EXO1: variants seen among roughly 807,000 people sequenced by gnomAD.
The protein encoded by EXO1 is exonuclease 1.
In EXO1, 69 loss-of-function variants were observed where a neutral mutation model predicts 84.5. The observed-to-expected ratio is 0.82, with a 90% CI of 0.67 to 1.00. EXO1 has a LOEUF of 1.00. Among genes scored for constraint, EXO1 ranks in the 50% least tolerant of loss-of-function variants. EXO1 has a pLI of 0.00. For missense variants in EXO1, 1,045 were observed against 1,000.7 expected, an observed-to-expected ratio of 1.04 and a Z score of -0.60; for synonymous variants, 373 against 366.1, an observed-to-expected ratio of 1.02 and a Z score of -0.21.
Position 241,867,017 on chromosome 1 carries a change from T to G in EXO1, c.1229T>G (p.Leu410Arg), listed in dbSNP as rs571928768. ...GTGATTAGTACTAAAGGGTTAAATC[T>G]CCCAAGGAAATCATCCATTGTGAAA... ...ERVISTKGLN[L>R]PRKSSIVKRP... Residue 410 changes from leucine (L) to arginine (R), a missense_variant, in exon 11 of 16, where the codon CTC (leucine) becomes CGC (arginine). Physicochemically the swap from Leu to Arg is moderately radical, Grantham distance 102 (BLOSUM62 -2). Transcript: ENST00000366548. The G allele has an allele frequency of 2.4e-5, 39 of 1,613,862 alleles. No homozygotes were observed. Among genetic ancestry groups the G allele is most frequent in the Non-Finnish European group, 3.1e-5 (37 of 1,179,886 alleles).
intron 10 of EXO1, among the ~76,000 whole-genome samples, chr1:241,866,117 T>C (rs570615256): frequency 6.6e-6 from 1 of 152,322 alleles, no homozygotes; most frequent in African/African-American, 2.4e-5. Context: ...GTGAATAACT[T>C]ATATTAGCAT....
chr1:241,856,091 C>A (rs1052437082), intron 6 of EXO1, among the ~76,000 whole-genome samples: 1 of 152,224 alleles, frequency 6.6e-6, no homozygotes, highest in African/African-American at 2.4e-5. Context: ...GAGGAGGCGC[C>A]GAGAGCGAGG....
chr1:241,889,320 G>A, intron 15 of EXO1, 145 bp from the exon 16 acceptor site: 2 of 718,068 alleles, frequency 2.8e-6, no homozygotes, highest in Non-Finnish European at 4.8e-6. Context: ...AGGAGAACCT[G>A]ATTGTGTTAT....
chr1:241,869,877 G>C (rs920781588), intron 11 of EXO1, among the ~76,000 whole-genome samples: 1 of 151,066 alleles, frequency 6.6e-6, no homozygotes, highest in Admixed American at 6.6e-5. Context: ...GCAGTGGCGT[G>C]TTCTTGGCTC....
intron 13 of EXO1, among the ~76,000 whole-genome samples, chr1:241,880,004 CAAA>C (rs576461090): frequency 1.2e-5 from 1 of 83,912 alleles, no homozygotes; most frequent in Non-Finnish European, 2.5e-5. Context: ...AAGACTGTCT[CAAA>C]AAAAAAAAAA....
In EXO1 at chr1:241,872,284, G is replaced by A. The variant is rs1260972909; in HGVS notation, c.1514+6G>A. On this transcript the variant is annotated splice_donor_region_variant and intron_variant, in intron 12 of 15. Transcript: ENST00000366548. The stretch of plus-strand genomic sequence containing the variant: ...GTTCCAGGGACCAGAAGCAGGTATA[G>A]TTATGTCTCCAGAATGTTGATTGTC... 1 of 1,613,542 alleles carries A rather than the reference G, an allele frequency of 6.2e-7. No homozygotes were observed. The highest frequency in any genetic ancestry group is 8.5e-7 in the Non-Finnish European group (1 of 1,179,618).
In EXO1 at chr1:241,878,776, C is replaced by T. The variant is rs770148045; in HGVS notation, c.1542C>T (p.Asp514=). 1.2e-6 allele frequency: 2 copies of T among 1,612,914 alleles called. No homozygotes were observed. The highest frequency in any genetic ancestry group is 1.3e-5 in the African/African-American group (1 of 74,842). Residue 514 remains aspartate, a synonymous_variant, in exon 13 of 16, where the codon GAC becomes GAT. Transcript: ENST00000366548. ...SRFFCSSDST[D]CVSNKVSIQP... is the part of the protein sequence containing the mutation. ...TTTTTTGCAGTTCAGATTCTACTGACTGTGTATCAAACAAAGTGAGCATCC... is the reference window on the plus strand; with the variant it reads ...TTTTTTGCAGTTCAGATTCTACTGATTGTGTATCAAACAAAGTGAGCATCC...
At chr1:241,868,060 C>A (rs182628464) in intron 11 of EXO1, among the ~76,000 whole-genome samples, 2 of 152,026 alleles carry the variant, frequency 1.3e-5, no homozygotes, top group Non-Finnish European at 2.9e-5. Context: ...TGGCAACACA[C>A]TGAGACCCTG....
intron 4 of EXO1, among the ~76,000 whole-genome samples, chr1:241,851,322 C>G (rs111797117): frequency 6.6e-6 from 1 of 152,202 alleles, no homozygotes; most frequent in African/African-American, 2.4e-5. Context: ...AGGTCCCAAT[C>G]ATTGTTCCAT....
intron 15 of EXO1, among the ~76,000 whole-genome samples, chr1:241,887,221 C>T (rs558213352): frequency 3.3e-5 from 5 of 152,294 alleles, no homozygotes; most frequent in African/African-American, 1.2e-4. Context: ...ACTGTACCCT[C>T]GAGCTCCTGA....
intron 10 of EXO1, among the ~76,000 whole-genome samples, chr1:241,864,823 A>G (rs1661613824): frequency 1.3e-5 from 2 of 151,856 alleles, no homozygotes; most frequent in South Asian, 4.1e-4. Flanking sequence ...AGGAGACTGA[A>G]AAGTGCTATC....
chr1:241,853,264 G>C, intron 5 of EXO1, 94 bp from the exon 6 acceptor site: 1 of 1,441,738 alleles, frequency 6.9e-7, no homozygotes, highest in South Asian at 1.2e-5. Context: ...ACTTTTTTCA[G>C]TTCTAGGAAA....
chr1:241,850,663 G>T, intron 4 of EXO1, 77 bp downstream of exon 4: 1 of 1,235,772 alleles, frequency 8.1e-7, no homozygotes, highest in South Asian at 1.2e-5. Flanking sequence ...CCCCAGAAAC[G>T]GATTGTTTTC....
At chr1:241,861,229 A>T (rs1201313374) in intron 9 of EXO1, among the ~76,000 whole-genome samples, 177 bp from the exon 10 acceptor site, 1 of 152,264 alleles carries the variant, frequency 6.6e-6, no homozygotes, top group African/African-American at 2.4e-5. Flanking sequence ...GCAGAGACAG[A>T]TAGAGACTAG....
chr1:241,885,327 A>G lies in EXO1; in HGVS notation c.2225A>G (p.Tyr742Cys), dbSNP rs375362003. ...TTTAATCTTCAGGTTCCTGGGCTATATAAGTCCAGTTCTGCAGACTCTCTT... is the reference window on the plus strand; with the variant it reads ...TTTAATCTTCAGGTTCCTGGGCTATGTAAGTCCAGTTCTGCAGACTCTCTT... Reference protein sequence around the residue: ...TPLRNKVPGLYKSSSADSLST... With the variant: ...TPLRNKVPGLCKSSSADSLST... The change falls in exon 15 of 16, where the codon TAT (tyrosine) becomes TGT (cysteine). Residue 742 changes from tyrosine to cysteine, a missense_variant. Coordinates refer to ENST00000366548, the MANE Select transcript of EXO1 (RefSeq NM_130398.4). 41 of 1,613,406 alleles carry G rather than the reference A, an allele frequency of 2.5e-5. No homozygotes were observed. In the East Asian group the frequency reaches 3.1e-4, roughly 12 times the overall value.
At chr1:241,850,808 G>C (rs370821536) in intron 4 of EXO1, among the ~76,000 whole-genome samples, 5 of 149,738 alleles carry the variant, frequency 3.3e-5, no homozygotes, top group African/African-American at 9.8e-5. Flanking sequence ...GACACTGATG[G>C]ACAAAGACTA....
At chr1:241,869,764 T>TTCCC (rs1558135457) in intron 11 of EXO1, among the ~76,000 whole-genome samples, 10 of 130,894 alleles carry the variant, frequency 7.6e-5, no homozygotes, top group Non-Finnish European at 1.4e-4. Flanking sequence ...CCTTCCTTCC[T>TTCCC]TCCCTCCCTC....
intron 12 of EXO1, among the ~76,000 whole-genome samples, chr1:241,873,467 T>C (rs1406504599): frequency 6.8e-6 from 1 of 146,450 alleles, no homozygotes; most frequent in African/African-American, 2.4e-5. Flanking sequence ...TTACAGAAAT[T>C]GTTTTTTTGG....
intron 6 of EXO1, among the ~76,000 whole-genome samples, chr1:241,854,938 C>T (rs928756401): frequency 1.3e-5 from 2 of 151,648 alleles, no homozygotes; most frequent in African/African-American, 4.9e-5. Context: ...CTTAAGGCAG[C>T]GCGTCTGGAG....
Sources: allele counts gnomAD v4.1 joint callset (sites outside exome capture counted in the v4.1 genomes callset), GRCh38; gene constraint gnomAD v4.1.1; transcripts MANE v1.5; gene names NCBI Gene and HGNC (gene_info 2026-07-23, HGNC 2026-07-21).